CUL1: variants seen among roughly 807,000 people sequenced by gnomAD.
CUL1 encodes the protein cullin 1.
In CUL1, 24 loss-of-function variants were observed where a neutral mutation model predicts 118.0. The observed-to-expected ratio is 0.20, with a 90% confidence interval of 0.15 to 0.29. The LOEUF (loss-of-function observed/expected upper bound fraction) is 0.29. Ranked by LOEUF, CUL1 falls within the 10% of genes least tolerant of loss-of-function variation. The probability of loss-of-function intolerance (pLI) is 1.00; values close to 1 mark genes in which losing one functional copy is unlikely to be tolerated. For missense variants in CUL1, 361 were observed against 933.8 expected (o/e 0.39, Z 7.99); for synonymous variants, 332 against 340.4 (o/e 0.98, Z 0.27).
chr7:148,777,614 G>A (rs183095560), intron 9 of CUL1, among the ~76,000 whole-genome samples: 5 of 152,276 alleles, frequency 3.3e-5, no homozygotes, highest in South Asian at 2.1e-4. Context: ...CATATGATGC[G>A]TAGTAAAGGG....
At chr7:148,726,098 T>C (rs996291710) in intron 1 of CUL1, among the ~76,000 whole-genome samples, 1 of 152,130 alleles carries the variant, frequency 6.6e-6, no homozygotes. Flanking sequence ...ACTTGACGAG[T>C]GTGACATGAA....
chr7:148,704,451 T>G (rs1192659649), intron 1 of CUL1, among the ~76,000 whole-genome samples: 1 of 152,218 alleles, frequency 6.6e-6, no homozygotes, highest in East Asian at 1.9e-4. Context: ...GAAATAGCTA[T>G]TCCATTTCTA....
At chr7:148,708,835 A>G (rs1400855089) in intron 1 of CUL1, among the ~76,000 whole-genome samples, 1 of 152,236 alleles carries the variant, frequency 6.6e-6, no homozygotes, top group Non-Finnish European at 1.5e-5. Flanking sequence ...AATTTCAACA[A>G]AGCAACCAAT....
At chr7:148,723,604 T>C (rs947503956) in intron 1 of CUL1, among the ~76,000 whole-genome samples, 2 of 151,724 alleles carry the variant, frequency 1.3e-5, no homozygotes, top group Non-Finnish European at 2.9e-5. Context: ...AAAAAGTAAA[T>C]ACTTGAAAGC....
At chr7:148,701,541 G>C (rs534264818) in intron 1 of CUL1, among the ~76,000 whole-genome samples, 2 of 152,270 alleles carry the variant, frequency 1.3e-5, no homozygotes, top group African/African-American at 4.8e-5. Flanking sequence ...ACACGATCAG[G>C]TTTTTCCCCC....
chr7:148,776,801 TTA>T (rs1563166245), intron 9 of CUL1, among the ~76,000 whole-genome samples: 1 of 152,178 alleles, frequency 6.6e-6, no homozygotes, highest in Non-Finnish European at 1.5e-5. Context: ...TCAAGGCCAA[TTA>T]GAGACCCTGC....
At chr7:148,782,649 T>A (rs1174399633) in intron 9 of CUL1, among the ~76,000 whole-genome samples, 1 of 152,214 alleles carries the variant, frequency 6.6e-6, no homozygotes, top group Non-Finnish European at 1.5e-5. Flanking sequence ...GAGCTTTTTT[T>A]AACAGGAAAC....
intron 1 of CUL1, among the ~76,000 whole-genome samples, chr7:148,713,406 C>T (rs964375692): frequency 4.6e-5 from 7 of 152,100 alleles, no homozygotes; most frequent in African/African-American, 1.4e-4. Context: ...ATACCAGTGA[C>T]GCTTGTGGCA....
At chr7:148,706,320 C>G (rs1797881169) in intron 1 of CUL1, among the ~76,000 whole-genome samples, 1 of 152,210 alleles carries the variant, frequency 6.6e-6, no homozygotes, top group South Asian at 2.1e-4. Context: ...TGCTTTGTGA[C>G]TCCCTAGCTG....
intron 17 of CUL1, among the ~76,000 whole-genome samples, chr7:148,794,565 A>G (rs1432526205): frequency 6.6e-6 from 1 of 152,218 alleles, no homozygotes; most frequent in Non-Finnish European, 1.5e-5. Context: ...ATGTTACCTT[A>G]TGAATTTCAA....
chr7:148,796,656 G>T (rs1801208940), intron 17 of CUL1, among the ~76,000 whole-genome samples: 1 of 152,160 alleles, frequency 6.6e-6, no homozygotes, highest in Non-Finnish European at 1.5e-5. Context: ...GACAGGTGTG[G>T]ACTGTCAGGT....
intron 9 of CUL1, 170 bp from the exon 10 acceptor site, chr7:148,783,613 A>G (rs771812688): frequency 4.3e-5 from 66 of 1,530,626 alleles, no homozygotes; most frequent in Middle Eastern, 3.7e-4. Context: ...AAAATGTCCT[A>G]TGTGTTTCAA....
intron 7 of CUL1, among the ~76,000 whole-genome samples, chr7:148,763,146 CA>C (rs932302072): frequency 4.3e-4 from 61 of 141,516 alleles, no homozygotes; most frequent in South Asian, 6.7e-4. Flanking sequence ...GACTCTGTCT[CA>C]AAAAAAAAAA....
At chr7:148,784,512 G>A (rs1800755851) in intron 11 of CUL1, among the ~76,000 whole-genome samples, 1 of 152,156 alleles carries the variant, frequency 6.6e-6, no homozygotes, top group Admixed American at 6.5e-5. Context: ...ATCAATTTAT[G>A]TGTATTAAGA....
At chr7:148,755,398 A>G (rs576997537) in intron 3 of CUL1, among the ~76,000 whole-genome samples, 1 of 152,354 alleles carries the variant, frequency 6.6e-6, no homozygotes, top group African/African-American at 2.4e-5. Flanking sequence ...ACAATGTGCA[A>G]AAATTCTGCA....
At chr7:148,766,976 T>C (rs1180106723) in intron 8 of CUL1, among the ~76,000 whole-genome samples, 1 of 152,198 alleles carries the variant, frequency 6.6e-6, no homozygotes, top group East Asian at 1.9e-4. Flanking sequence ...CCCCAAGTTT[T>C]TTCTTGACTG....
chr7:148,735,451 G>T (rs925504159), intron 2 of CUL1, among the ~76,000 whole-genome samples: 2 of 152,246 alleles, frequency 1.3e-5, no homozygotes, highest in South Asian at 2.1e-4. Context: ...GAGTGCTCAG[G>T]TGGCAGCCTT....
At chr7:148,697,823 C>T (rs900709526), upstream of CUL1, 3 of 152,308 alleles carry the variant, frequency 2.0e-5, no homozygotes, top group Admixed American at 6.5e-5. Flanking sequence ...GTCACCACAG[C>T]AGCGGGTAGT....
intron 5 of CUL1, 78 bp downstream of exon 5, chr7:148,759,432 C>T (rs1458584805): frequency 6.6e-7 from 1 of 1,505,006 alleles, no homozygotes; most frequent in Non-Finnish European, 9.2e-7. Flanking sequence ...TGTCTCGTCA[C>T]TCCTTCGGAT....
Sources: gnomAD v4.1 joint callset for allele counts (sites outside exome capture counted in the v4.1 genomes callset) on GRCh38, gnomAD v4.1.1 for gene constraint, MANE v1.5 for transcripts, NCBI Gene and HGNC (gene_info 2026-07-23, HGNC 2026-07-21) for gene names.